The following SUGCT variants were observed in gnomAD, a reference collection of about 807,000 sequenced individuals.
The protein encoded by SUGCT is succinyl-CoA:glutarate CoA-transferase.
SUGCT carries 41 observed loss-of-function variants against 55.0 expected under a neutral mutation model. The observed-to-expected ratio is 0.74, with a 90% CI of 0.58 to 0.97. SUGCT has a LOEUF of 0.97. Ranked by LOEUF, SUGCT falls within the 50% of genes least tolerant of loss-of-function variation. The pLI is 0.00. For synonymous variants in SUGCT, 187 were observed against 200.4 expected, an observed-to-expected ratio of 0.93 and a Z score of 0.56; for missense variants, 568 against 547.8, an observed-to-expected ratio of 1.04 and a Z score of -0.37.
At chr7:40,500,210 C>A (rs1792203017) in intron 12 of SUGCT, among the ~76,000 whole-genome samples, 1 of 152,064 alleles carries the variant, frequency 6.6e-6, no homozygotes, top group East Asian at 1.9e-4. Context: ...GTCATGGATG[C>A]CATGACCTGA....
chr7:40,914,273 T>TTTTTTTTTTCA, the SUGCT span, among the ~76,000 whole-genome samples: 113 of 137,176 alleles, frequency 8.2e-4, no homozygotes, highest in Middle Eastern at 3.5e-3. Context: ...TATTTTTTTC[T>TTTTTTTTTTCA]TTTTCTTTTT....
At chr7:40,259,194 G>C (rs961059958) in intron 7 of SUGCT, among the ~76,000 whole-genome samples, 1 of 152,076 alleles carries the variant, frequency 6.6e-6, no homozygotes, top group Non-Finnish European at 1.5e-5. Flanking sequence ...TTGGTCAAAG[G>C]ATATAAAAAT....
chr7:40,847,407 C>CTTTTTTTTT (rs1338885686), intron 13 of SUGCT, among the ~76,000 whole-genome samples: 2 of 117,850 alleles, frequency 1.7e-5, no homozygotes, highest in South Asian at 3.1e-4. Context: ...TCTTTTCTTT[C>CTTTTTTTTT]TTTCTTTTTT....
the SUGCT span, among the ~76,000 whole-genome samples, chr7:40,940,438 G>A: frequency 4.6e-5 from 7 of 151,980 alleles, no homozygotes; most frequent in African/African-American, 1.2e-4. Flanking sequence ...TATTTTGATA[G>A]GAATTGTATG....
intron 7 of SUGCT, among the ~76,000 whole-genome samples, chr7:40,265,638 G>A (rs181303910): frequency 4.2e-4 from 64 of 151,948 alleles, no homozygotes; most frequent in Non-Finnish European, 3.4e-4. Flanking sequence ...TTAAGAGATC[G>A]GGATGTAAAG....
intron 9 of SUGCT, among the ~76,000 whole-genome samples, chr7:40,355,982 A>T (rs1797869287): frequency 6.6e-6 from 1 of 152,250 alleles, no homozygotes; most frequent in Non-Finnish European, 1.5e-5. Context: ...TACATTGCAG[A>T]TTAATCACTT....
chr7:40,793,111 G>A (rs975104067), intron 13 of SUGCT: 4 of 151,994 alleles, frequency 2.6e-5, no homozygotes, highest in African/African-American at 9.7e-5. Flanking sequence ...TGAGTTACTG[G>A]ATTTGCCTGC....
At chr7:40,545,707 C>A (rs1321541484) in intron 12 of SUGCT, among the ~76,000 whole-genome samples, 1 of 152,124 alleles carries the variant, frequency 6.6e-6, no homozygotes, top group Non-Finnish European at 1.5e-5. Context: ...ATTTGGTGTA[C>A]CATCCTTTTT....
At chr7:40,419,298 A>AT (rs1466906972) in intron 9 of SUGCT, among the ~76,000 whole-genome samples, 2 of 152,136 alleles carry the variant, frequency 1.3e-5, no homozygotes, top group Admixed American at 6.5e-5. Flanking sequence ...CAGGAATTCA[A>AT]TTTTTTTCTT....
intron 9 of SUGCT, among the ~76,000 whole-genome samples, chr7:40,439,690 A>G (rs1788395309): frequency 6.6e-6 from 1 of 152,126 alleles, no homozygotes; most frequent in Non-Finnish European, 1.5e-5. Context: ...CTCTCAGTTA[A>G]TAAGAAGGTA....
At chr7:40,264,937 A>G (rs1319058675) in intron 7 of SUGCT, among the ~76,000 whole-genome samples, 1 of 152,204 alleles carries the variant, frequency 6.6e-6, no homozygotes, top group Non-Finnish European at 1.5e-5. Flanking sequence ...TTACCTTCAT[A>G]AAGTGCTTTT....
At chr7:40,415,812 C>T (rs1163381334) in intron 9 of SUGCT, among the ~76,000 whole-genome samples, 12 of 152,180 alleles carry the variant, frequency 7.9e-5, no homozygotes, top group Admixed American at 2.6e-4. Context: ...TTGGGACCTA[C>T]TACTGGACGC....
At chr7:40,919,369 G>A in the SUGCT span, among the ~76,000 whole-genome samples, 1 of 152,282 alleles carries the variant, frequency 6.6e-6, no homozygotes, top group Admixed American at 6.5e-5. Flanking sequence ...TCTCAACCAG[G>A]CACTGGGAAA....
At chr7:40,944,508 G>A in the SUGCT span, among the ~76,000 whole-genome samples, 2 of 151,956 alleles carry the variant, frequency 1.3e-5, no homozygotes. Flanking sequence ...TGGCTAGCCA[G>A]TTTTCCCAGC....
chr7:40,638,954 A>G (rs1800141423), intron 12 of SUGCT, among the ~76,000 whole-genome samples: 1 of 152,244 alleles, frequency 6.6e-6, no homozygotes, highest in Admixed American at 6.5e-5. Context: ...CCCTGCTGAA[A>G]TCAGAGAAAC....
At chr7:40,456,734 T>G (rs998441172) in intron 10 of SUGCT, among the ~76,000 whole-genome samples, 26 of 151,906 alleles carry the variant, frequency 1.7e-4, no homozygotes, top group African/African-American at 6.0e-4. Context: ...CAACTAGATG[T>G]CTGGTGGAAG....
chr7:40,198,513 C>A (rs898301279), intron 6 of SUGCT, among the ~76,000 whole-genome samples: 4 of 152,200 alleles, frequency 2.6e-5, no homozygotes, highest in African/African-American at 9.7e-5. Context: ...CAAAGTCATT[C>A]ATGAGTTGTG....
intron 13 of SUGCT, among the ~76,000 whole-genome samples, chr7:40,856,222 C>G (rs1336219562): frequency 6.6e-6 from 1 of 152,180 alleles, no homozygotes; most frequent in East Asian, 1.9e-4. Flanking sequence ...ATATCCCATT[C>G]ATTAGTGATG....
chr7:40,308,845 A>AC lies in SUGCT; in HGVS notation c.721-7914dup, dbSNP rs1383595986. Among the ~76,000 whole-genome samples, 6 of 152,258 alleles carry AC rather than the reference A, an allele frequency of 3.9e-5. No individual in the cohort carries two copies. The East Asian group carries it at 1.2e-3, about 29-fold the overall frequency. On this transcript the variant is annotated intron_variant, in intron 8 of 13. Transcript: ENST00000335693. ...GCCAACCTGGTGAAACCCTGCCTCT[A>AC]CTAAAAATACAAAAATTAGCTGGGC...
Sources: gnomAD v4.1 joint callset for allele counts (sites outside exome capture counted in the v4.1 genomes callset) on GRCh38, gnomAD v4.1.1 for gene constraint, MANE v1.5 for transcripts, NCBI Gene and HGNC (gene_info 2026-07-23, HGNC 2026-07-21) for gene names.